The following DPP8 variants were observed in gnomAD, a reference collection of about 807,000 sequenced individuals.
The protein encoded by DPP8 is dipeptidyl peptidase 8, also known as DPP VIII.
DPP8 carries 31 observed loss-of-function variants against 107.5 expected under a neutral mutation model. The observed-to-expected ratio is 0.29, with a 90% CI of 0.22 to 0.39. The LOEUF is 0.39. Among genes scored for constraint, DPP8 ranks in the 10% least tolerant of loss-of-function variants. The pLI is 1.00. For synonymous variants in DPP8, 381 were observed against 356.6 expected (o/e 1.07, Z -0.77); for missense variants, 842 against 1,076.1 (o/e 0.78, Z 3.04).
chr15:65,478,803 A>G (rs1295599883), intron 11 of DPP8, 77 bp downstream of exon 11: 4 of 1,027,602 alleles, frequency 3.9e-6, no homozygotes, highest in Non-Finnish European at 5.7e-6. Context: ...AAAGCATGCA[A>G]AAGATACATT....
At chr15:65,488,958 G>A (rs2067719125) in intron 6 of DPP8, among the ~76,000 whole-genome samples, 1 of 152,010 alleles carries the variant, frequency 6.6e-6, no homozygotes, top group Admixed American at 6.6e-5. Flanking sequence ...ATTAAGGTGT[G>A]GTTTTTTGTT....
chr15:65,474,106 G>GA (rs918979627), intron 12 of DPP8, 103 bp downstream of exon 12: 1,280 of 853,490 alleles, frequency 1.5e-3, no homozygotes, highest in African/African-American at 2.9e-3. Flanking sequence ...CTCTGTCTCG[G>GA]AAAAAAAAAT....
rs2063388124 is a variant in DPP8 at position 65,443,819 on chromosome 15, T to TA, written c.*3064dup. 6.6e-6 allele frequency: 1 copy of TA among 152,230 alleles called. No individual in the cohort carries two copies. The highest frequency in any genetic ancestry group is 1.5e-5 in the Non-Finnish European group (1 of 68,030). 9.4% of individuals were successfully genotyped at this position (152,230 alleles called of 1,614,324 possible). A position where few individuals can be genotyped will look rare whatever the true frequency, so the allele number is the denominator to read the frequency against. On this transcript the variant is annotated 3_prime_UTR_variant, in exon 20 of 20. Transcript: ENST00000300141. ...CTCCATTCTCTATAGAAGAGTTTCTTAAAGTAGTCCACAGATGACTTACTA... is the reference window on the plus strand; with the variant it reads ...CTCCATTCTCTATAGAAGAGTTTCTTAAAAGTAGTCCACAGATGACTTACTA...
chr15:65,481,955 A>G (rs935023222), intron 8 of DPP8, among the ~76,000 whole-genome samples: 2 of 147,760 alleles, frequency 1.4e-5, no homozygotes, highest in African/African-American at 5.2e-5. Context: ...AGTTCCCCAT[A>G]TTTCACCTAG....
chr15:65,509,841 T>G (rs61261367), intron 2 of DPP8, among the ~76,000 whole-genome samples: 7,285 of 151,492 alleles, frequency 0.048, 595 homozygotes, highest in African/African-American at 0.17. Flanking sequence ...AGCAACATGG[T>G]GAAACCCAAT....
intron 12 of DPP8, among the ~76,000 whole-genome samples, chr15:65,469,625 C>T (rs1013667512): frequency 1.4e-5 from 2 of 139,396 alleles, no homozygotes; most frequent in African/African-American, 5.6e-5. Context: ...TGCACTCTAG[C>T]CTGGGCAACA....
Position 65,512,487 on chromosome 15 carries a change from T to C in DPP8, c.67A>G (p.Asn23Asp), listed in dbSNP as rs1045335342. The C allele has an allele frequency of 3.1e-6, 5 of 1,614,010 alleles. No homozygotes were observed. In the African/African-American group the frequency reaches 6.7e-5, roughly 22 times the overall value. ...TTAGGCCGATCCTGTGATTCAATAT[T>C]CTCCTCACAGTCCGCAGTTTCAAAT... Reference protein sequence around the residue: ...EIFETADCEENIESQDRPKLE... With the variant: ...EIFETADCEEDIESQDRPKLE... Residue 23 changes from asparagine to aspartate, a missense_variant, in exon 2 of 20, where the codon AAT becomes GAT. Asn to Asp is a conservative substitution (Grantham distance 23, BLOSUM62 1). Transcript: ENST00000300141.
chr15:65,469,486 C>T (rs1355155882), intron 12 of DPP8, among the ~76,000 whole-genome samples: 1 of 151,134 alleles, frequency 6.6e-6, no homozygotes, highest in East Asian at 2.0e-4. Context: ...AACCCCATCT[C>T]TACTAAAAAC....
chr15:65,506,597 CAT>C (rs916499654), intron 3 of DPP8, among the ~76,000 whole-genome samples: 4 of 149,980 alleles, frequency 2.7e-5, no homozygotes, highest in Non-Finnish European at 4.4e-5. Flanking sequence ...TCTTATTAAA[CAT>C]ATATATATGT....
At chr15:65,490,432 A>T (rs1338159029) in intron 5 of DPP8, 133 bp from the exon 6 acceptor site, 1 of 668,982 alleles carries the variant, frequency 1.5e-6, no homozygotes, top group African/African-American at 1.8e-5. Context: ...ACTGAGTTCA[A>T]ATCTGGGGTC....
intron 15 of DPP8, among the ~76,000 whole-genome samples, chr15:65,463,230 C>T (rs1184070927): frequency 1.3e-5 from 2 of 152,174 alleles, no homozygotes; most frequent in African/African-American, 4.8e-5. Context: ...CTATAGTCCA[C>T]ACTGCAAATT....
In DPP8 at chr15:65,487,837, A is replaced by G; in HGVS notation, c.827-19T>C. ...CTGGGAGCTTAAAAGAAATTTAAAT[A>G]TTGAAAATTTAGAAGAATTATTCCA... On this transcript the variant is annotated intron_variant, in intron 6 of 19. Transcript: ENST00000300141. 6.8e-7 allele frequency: 1 copy of G among 1,473,970 alleles called. No individual in the cohort carries two copies. Among genetic ancestry groups the G allele is most frequent in the Non-Finnish European group, 9.3e-7 (1 of 1,071,502 alleles). 91.3% of individuals were successfully genotyped at this position (1,473,970 alleles called of 1,614,324 possible). A position where few individuals can be genotyped will look rare whatever the true frequency, so the allele number is the denominator to read the frequency against.
At chr15:65,464,194 T>G (rs1021834178) in intron 14 of DPP8, among the ~76,000 whole-genome samples, 43 of 152,106 alleles carry the variant, frequency 2.8e-4, no homozygotes, top group African/African-American at 1.0e-3. Flanking sequence ...AAACCCCGCC[T>G]CTACTAAAAA....
intron 5 of DPP8, among the ~76,000 whole-genome samples, chr15:65,493,092 CTTTTT>C (rs1372326862): frequency 6.6e-6 from 1 of 150,788 alleles, no homozygotes; most frequent in Admixed American, 6.6e-5. Context: ...TTCTTTCTCT[CTTTTT>C]TTTTAGACGG....
Position 65,499,105 on chromosome 15 carries a change from G to GTGTGTGTGTGTGTATA in DPP8, c.547-1074_547-1073insTATACACACACACACA, listed in dbSNP as rs1555468189. Among the ~76,000 whole-genome samples, 166 of 138,814 alleles carry GTGTGTGTGTGTGTATA rather than the reference G, an allele frequency of 1.2e-3. 1 individual carries two copies. Among genetic ancestry groups the GTGTGTGTGTGTGTATA allele is most frequent in the African/African-American group, 4.1e-3 (155 of 37,652 alleles). 91.1% of individuals were successfully genotyped at this position (138,814 alleles called of 152,430 possible). On this transcript the variant is annotated intron_variant, in intron 4 of 19. Transcript: ENST00000300141. ...TGTGTGTGTGTGTGTGTGTGTGTGT[G>GTGTGTGTGTGTGTATA]TATATATAAATTTATTAAGATGAAT...
intron 1 of DPP8, chr15:65,515,791 C>T: frequency 8.9e-7 from 1 of 1,125,048 alleles, no homozygotes; most frequent in Non-Finnish European, 1.3e-6. Context: ...ACCATCAAAG[C>T]CTGCTCACCA....
chr15:65,506,484 C>T (rs898549325), intron 3 of DPP8, among the ~76,000 whole-genome samples: 7 of 151,826 alleles, frequency 4.6e-5, no homozygotes, highest in Non-Finnish European at 8.8e-5. Context: ...TGAGGTGGCT[C>T]ACGCCTGTAA....
chr15:65,474,426 A>C, intron 11 of DPP8, 138 bp from the exon 12 acceptor site: 1 of 635,988 alleles, frequency 1.6e-6, no homozygotes, highest in Non-Finnish European at 2.8e-6. Flanking sequence ...CTAGACAGAG[A>C]TGATGGTTGC....
At chr15:65,493,049 CT>C (rs1447221602) in intron 5 of DPP8, among the ~76,000 whole-genome samples, 1 of 151,888 alleles carries the variant, frequency 6.6e-6, no homozygotes, top group Non-Finnish European at 1.5e-5. Flanking sequence ...TGGGAGAGCT[CT>C]TTTCTTTCTT....
Sources: gnomAD v4.1 joint callset for allele counts (sites outside exome capture counted in the v4.1 genomes callset) on GRCh38, gnomAD v4.1.1 for gene constraint, MANE v1.5 for transcripts, NCBI Gene and HGNC (gene_info 2026-07-23, HGNC 2026-07-21) for gene names.